ENTREP2: variants seen among roughly 807,000 people sequenced by gnomAD.
ENTREP2 encodes the protein endosomal transmembrane epsin interactor 2.
the ENTREP2 span, among the ~76,000 whole-genome samples, chr15:29,200,934 CCT>C: frequency 3.7e-4 from 56 of 152,250 alleles, no homozygotes; most frequent in Non-Finnish European, 5.6e-4. Flanking sequence ...TTATTTATTT[CCT>C]CATTGTTAAC....
At chr15:29,438,747 T>C in the ENTREP2 span, among the ~76,000 whole-genome samples, 3 of 152,184 alleles carry the variant, frequency 2.0e-5, no homozygotes, top group Admixed American at 6.5e-5. Context: ...AAAATAAAGT[T>C]ATCCTTTTGC....
At chr15:29,320,953 T>A in the ENTREP2 span, among the ~76,000 whole-genome samples, 1 of 152,144 alleles carries the variant, frequency 6.6e-6, no homozygotes, top group Non-Finnish European at 1.5e-5. Context: ...AAAAAGAGAA[T>A]GGAATAGATG....
chr15:29,507,545 A>G, the ENTREP2 span, among the ~76,000 whole-genome samples: 75 of 152,120 alleles, frequency 4.9e-4, no homozygotes, highest in African/African-American at 1.6e-3. Context: ...AACAGAAATC[A>G]TAACGGTCAC....
chr15:29,228,104 G>A, the ENTREP2 span, among the ~76,000 whole-genome samples: 1 of 152,082 alleles, frequency 6.6e-6, no homozygotes, highest in Admixed American at 6.6e-5. Context: ...GGCTGAGGCG[G>A]GTGGATCAGT....
chr15:29,229,763 C>G, the ENTREP2 span, among the ~76,000 whole-genome samples: 1 of 152,144 alleles, frequency 6.6e-6, no homozygotes, highest in African/African-American at 2.4e-5. Context: ...TCTACTTGCT[C>G]CTGTAGTGCA....
chr15:29,356,341 C>CT, the ENTREP2 span, among the ~76,000 whole-genome samples: 1 of 112,614 alleles, frequency 8.9e-6, no homozygotes, highest in East Asian at 3.1e-4. Flanking sequence ...GAGTCTCGCT[C>CT]TGTCGCCCAG....
the ENTREP2 span, among the ~76,000 whole-genome samples, chr15:29,172,612 G>A: frequency 6.6e-6 from 1 of 152,092 alleles, no homozygotes; most frequent in Non-Finnish European, 1.5e-5. Flanking sequence ...TGACAGAGAG[G>A]ACAATAGGAA....
the ENTREP2 span, among the ~76,000 whole-genome samples, chr15:29,444,065 C>A: frequency 6.6e-6 from 1 of 152,036 alleles, no homozygotes; most frequent in Non-Finnish European, 1.5e-5. Context: ...GATCGCGCCA[C>A]TGCACTCCGC....
the ENTREP2 span, among the ~76,000 whole-genome samples, chr15:29,549,716 C>T: frequency 2.6e-5 from 4 of 152,228 alleles, no homozygotes; most frequent in African/African-American, 9.6e-5. Flanking sequence ...GGACTCCTCA[C>T]AGAACCCCTC....
chr15:29,179,067 T>C, the ENTREP2 span, among the ~76,000 whole-genome samples: 29 of 152,246 alleles, frequency 1.9e-4, no homozygotes, highest in Non-Finnish European at 4.3e-4. Flanking sequence ...GTTATATGTT[T>C]ATGGGAACCA....
At chr15:29,643,639 G>A in the ENTREP2 span, among the ~76,000 whole-genome samples, 9 of 151,566 alleles carry the variant, frequency 5.9e-5, no homozygotes, top group East Asian at 3.9e-4. Flanking sequence ...AAAATTAGCC[G>A]GGCATGGTGG....
chr15:29,570,420 G>T, the ENTREP2 span: 1 of 892,986 alleles, frequency 1.1e-6, no homozygotes, highest in Non-Finnish European at 1.4e-6. Flanking sequence ...TGCCGCCCGC[G>T]GTGGCGTCCC....
chr15:29,546,794 G>A, the ENTREP2 span, among the ~76,000 whole-genome samples: 1 of 150,340 alleles, frequency 6.7e-6, no homozygotes, highest in Non-Finnish European at 1.5e-5. Context: ...GGCTGAGGCA[G>A]AAGAATGGCA....
the ENTREP2 span, among the ~76,000 whole-genome samples, chr15:29,424,901 T>C: frequency 2.0e-5 from 3 of 152,236 alleles, no homozygotes; most frequent in African/African-American, 7.2e-5. Context: ...GCTGACCAAG[T>C]CATGGTTTTC....
chr15:29,655,474 T>C, the ENTREP2 span, among the ~76,000 whole-genome samples: 3 of 152,204 alleles, frequency 2.0e-5, no homozygotes, highest in African/African-American at 7.2e-5. Flanking sequence ...CAACATGTTT[T>C]GCTTTCAACT....
chr15:29,641,159 C>G, the ENTREP2 span, among the ~76,000 whole-genome samples: 2 of 152,074 alleles, frequency 1.3e-5, no homozygotes, highest in Non-Finnish European at 2.9e-5. Flanking sequence ...TAAAAACTAG[C>G]AATAGAAGTT....
the ENTREP2 span, among the ~76,000 whole-genome samples, chr15:29,622,363 G>A: frequency 6.6e-6 from 1 of 151,846 alleles, no homozygotes; most frequent in South Asian, 2.1e-4. Context: ...CCATGACCAC[G>A]CCCGGCTAAT....
chr15:29,390,494 C>T, the ENTREP2 span, among the ~76,000 whole-genome samples: 1,893 of 152,264 alleles, frequency 0.012, 46 homozygotes, highest in African/African-American at 0.044. Flanking sequence ...TTGCGAGCAC[C>T]ATGAGTTGTC....
chr15:29,438,237 C>G, the ENTREP2 span, among the ~76,000 whole-genome samples: 2 of 152,202 alleles, frequency 1.3e-5, no homozygotes, highest in Non-Finnish European at 2.9e-5. Flanking sequence ...CTTGCACTGT[C>G]CCCAACACAT....
Sources: allele counts gnomAD v4.1 joint callset (sites outside exome capture counted in the v4.1 genomes callset), GRCh38; gene constraint gnomAD v4.1.1; transcripts MANE v1.5; gene names NCBI Gene and HGNC (gene_info 2026-07-23, HGNC 2026-07-21).